The following MAPT variants were observed in gnomAD, a reference collection of about 807,000 sequenced individuals.
MAPT encodes microtubule associated protein tau.
In MAPT, 34 loss-of-function variants were observed where a neutral mutation model predicts 67.9. The observed-to-expected ratio is 0.50, with a 90% confidence interval of 0.38 to 0.67. The LOEUF (loss-of-function observed/expected upper bound fraction) is 0.67, where lower values mean the gene tolerates loss of function less well. Among genes scored for constraint, MAPT ranks in the 30% least tolerant of loss-of-function variants. The pLI is 0.00. For missense variants in MAPT, 881 were observed against 1,115.2 expected (o/e 0.79, Z 2.99); for synonymous variants, 456 against 464.5 (o/e 0.98, Z 0.23).
In MAPT at chr17:46,024,302, C is replaced by T; in HGVS notation, c.*131C>T. 1 of 818,886 alleles carries T rather than the reference C, an allele frequency of 1.2e-6. No individual in the cohort carries two copies. The highest frequency in any genetic ancestry group is 2.0e-6 in the Non-Finnish European group (1 of 494,964). The allele number at this position is 818,886 out of a possible 1,614,324, so 50.7% of individuals were successfully genotyped here. A position where few individuals can be genotyped will look rare whatever the true frequency, so the allele number is the denominator to read the frequency against. ...CGCAGTTCGGTTAATTGGTTAATCACTTAACCTGCTTTTGTCACTCGGCTT... is the reference window on the plus strand; with the variant it reads ...CGCAGTTCGGTTAATTGGTTAATCATTTAACCTGCTTTTGTCACTCGGCTT... On this transcript the variant is annotated 3_prime_UTR_variant, in exon 13 of 13. Transcript: ENST00000262410.
At chr17:45,982,648 G>A (rs989921821) in intron 4 of MAPT, among the ~76,000 whole-genome samples, 2 of 152,038 alleles carry the variant, frequency 1.3e-5, no homozygotes, top group African/African-American at 2.4e-5. Flanking sequence ...GGCCCAGAGA[G>A]GGGAGAGCCA....
chr17:45,971,444 A>G lies in MAPT; in HGVS notation c.134-415A>G, dbSNP rs767332924. Among the ~76,000 whole-genome samples, 4 of 152,180 alleles carry G rather than the reference A, an allele frequency of 2.6e-5. No homozygotes were observed. Among genetic ancestry groups the G allele is most frequent in the Admixed American group, 2.6e-4 (4 of 15,272 alleles). The stretch of plus-strand genomic sequence containing the variant: ...ACTCCTTTTCCAAGGAAGGGGTTGG[A>G]TCGCTGAGTGTTTTTCCAGGTGTCT... On this transcript the variant is annotated intron_variant, in intron 2 of 12. Transcript: ENST00000262410. The surrounding 1 kb of genome is among the most constrained non-coding windows in gnomAD (Gnocchi z 4.3).
intron 1 of MAPT, among the ~76,000 whole-genome samples, chr17:45,926,973 A>G: frequency 6.6e-6 from 1 of 151,118 alleles, no homozygotes; most frequent in Admixed American, 6.6e-5. Context: ...ATATACATAT[A>G]TGTGTATATA....
At chr17:45,988,510 C>A (rs2073791005) in intron 6 of MAPT, among the ~76,000 whole-genome samples, 1 of 152,254 alleles carries the variant, frequency 6.6e-6, no homozygotes, top group Non-Finnish European at 1.5e-5. Context: ...AGGGCCCCCC[C>A]CAGCCCCGCC....
chr17:45,982,018 C>CAAAAAAAAAAA (rs1264327504), intron 4 of MAPT, among the ~76,000 whole-genome samples: 1 of 84,702 alleles, frequency 1.2e-5, no homozygotes, highest in Non-Finnish European at 2.4e-5. Flanking sequence ...GACCCTGTCT[C>CAAAAAAAAAAA]AAAAAAAAAA....
At chr17:46,013,602 AG>A (rs1225251131) in intron 10 of MAPT, among the ~76,000 whole-genome samples, 1 of 152,156 alleles carries the variant, frequency 6.6e-6, no homozygotes, top group Non-Finnish European at 1.5e-5. Flanking sequence ...CAGGACACTG[AG>A]TGTGCAGGTG....
At chr17:46,011,560 C>T (rs62064675) in intron 10 of MAPT, among the ~76,000 whole-genome samples, 21,883 of 152,184 alleles carry the variant, frequency 0.14, 2,136 homozygotes, top group Non-Finnish European at 0.22. Context: ...ATCCCCTGGC[C>T]GGTCTATGTC....
chr17:45,904,451 A>G (rs1252037730), intron 1 of MAPT, among the ~76,000 whole-genome samples: 1 of 136,438 alleles, frequency 7.3e-6, no homozygotes, highest in African/African-American at 2.8e-5. Flanking sequence ...TTGTAATCCC[A>G]GCACTGTGGG....
rs1598429583 is a variant in MAPT, at chr17:46,026,082, T to C, written c.*1911T>C. On this transcript the variant is annotated 3_prime_UTR_variant, in exon 13 of 13. Transcript: ENST00000262410. Reference sequence around the variant, plus strand: ...GGATTCACCAGAGTGACTATGATAGTGAAAAGAAAAAAAAAAAAAAAAAAG... The same window carrying C: ...GGATTCACCAGAGTGACTATGATAGCGAAAAGAAAAAAAAAAAAAAAAAAG... 1 of 90,680 alleles carries C rather than the reference T, an allele frequency of 1.1e-5. No homozygotes were observed. The highest frequency in any genetic ancestry group is 3.5e-4 in the South Asian group (1 of 2,834). 5.6% of individuals were successfully genotyped at this position (90,680 alleles called of 1,614,324 possible).
chr17:45,994,088 CAG>C (rs1174298006), intron 8 of MAPT: 35 of 1,015,598 alleles, frequency 3.4e-5, no homozygotes, highest in Non-Finnish European at 4.7e-5. Context: ...AGGGTTCACA[CAG>C]GGTTCGCAGC....
chr17:46,017,861 A>C (rs1312215760), intron 11 of MAPT, among the ~76,000 whole-genome samples: 1 of 150,130 alleles, frequency 6.7e-6, no homozygotes, highest in Admixed American at 6.6e-5. Context: ...ACTTCACTTA[A>C]TGGGCCGGGC....
chr17:45,912,084 A>G (rs183221229), intron 1 of MAPT, among the ~76,000 whole-genome samples: 55 of 152,350 alleles, frequency 3.6e-4, no homozygotes, highest in African/African-American at 1.3e-3. Context: ...TCTCCCCACC[A>G]CACAAGGAAG....
At chr17:45,938,399 C>T (rs1323360995) in intron 1 of MAPT, among the ~76,000 whole-genome samples, 2 of 152,250 alleles carry the variant, frequency 1.3e-5, no homozygotes, top group Non-Finnish European at 2.9e-5. Context: ...CTCACATCAC[C>T]TTGCTCTGAC....
At chr17:46,012,993 G>C (rs2075925622) in intron 10 of MAPT, among the ~76,000 whole-genome samples, 1 of 152,138 alleles carries the variant, frequency 6.6e-6, no homozygotes, top group Admixed American at 6.5e-5. Flanking sequence ...CTCTGCCCCA[G>C]TTAACTCCCC....
Position 45,996,499 on chromosome 17 carries a change from C to G in MAPT, c.1833C>G (p.Pro611=). 1 of 1,613,568 alleles carries G rather than the reference C, an allele frequency of 6.2e-7. No individual in the cohort carries two copies. The highest frequency in any genetic ancestry group is 8.5e-7 in the Non-Finnish European group (1 of 1,179,914). The part of the protein sequence containing the change: ...RSRTPSLPTP[P]TREPKKVAVV... ...GCACCCCGTCCCTTCCAACCCCACCCACCCGGGAGCCCAAGAAGGTGGCAG... is the reference window on the plus strand; with the variant it reads ...GCACCCCGTCCCTTCCAACCCCACCGACCCGGGAGCCCAAGAAGGTGGCAG... Residue 611 remains proline (P), a synonymous_variant, in exon 9 of 13, where the codon CCC becomes CCG. Transcript: ENST00000262410. The surrounding 1 kb of genome is among the most constrained non-coding windows in gnomAD (Gnocchi z 4.5).
chr17:45,941,717 T>TCCTTCCTTCCTTCCTTCCTTCCTTCCTG (rs2067994312), intron 1 of MAPT, among the ~76,000 whole-genome samples: 1 of 88,380 alleles, frequency 1.1e-5, no homozygotes, highest in Admixed American at 1.3e-4. Flanking sequence ...CTTCCTTCCT[T>TCCTTCCTTCCTTCCTTCCTTCCTTCCTG]CCTTCCTTCC....
intron 1 of MAPT, among the ~76,000 whole-genome samples, chr17:45,932,649 C>T (rs1377768408): frequency 4.0e-5 from 6 of 149,594 alleles, no homozygotes; most frequent in Non-Finnish European, 5.9e-5. Context: ...GTGTGGCTGA[C>T]TCCACATATG....
At position 46,025,497 on chromosome 17, in the gene MAPT, A is replaced by C. The variant is rs1203479197; in HGVS notation, c.*1326A>C. 1 of 152,772 alleles carries C rather than the reference A, an allele frequency of 6.5e-6. No individual in the cohort carries two copies. Among genetic ancestry groups the C allele is most frequent in the Non-Finnish European group, 1.5e-5 (1 of 68,130 alleles). The allele number at this position is 152,772 out of a possible 1,614,324, so 9.5% of individuals were successfully genotyped here. A position where few individuals can be genotyped will look rare whatever the true frequency, so the allele number is the denominator to read the frequency against. ...AATTAAGGGAAGGCAAAGTCCAGGC[A>C]CAAGAGTGGGACCCCAGCCTCTCAC... On this transcript the variant is annotated 3_prime_UTR_variant, in exon 13 of 13. Coordinates refer to ENST00000262410, the MANE Select transcript of MAPT (RefSeq NM_001377265.1).
rs138323930 is a variant in MAPT, at chr17:45,968,124, C to G, written c.134-3735C>G. 1.3e-5 allele frequency among the ~76,000 whole-genome samples: 2 copies of G among 152,294 alleles called. 1 individual carries two copies. Among genetic ancestry groups the G allele is most frequent in the East Asian group, 3.9e-4 (2 of 5,186 alleles). On this transcript the variant is annotated intron_variant, in intron 2 of 12. Transcript: ENST00000262410. ...ACAAACTATAACCCACAAGCCAATT[C>G]TGGTACCCAGCCTGTTTTGCACAGC... is the stretch of plus-strand genomic sequence containing the variant.
Sources: allele counts gnomAD v4.1 joint callset (sites outside exome capture counted in the v4.1 genomes callset), GRCh38; gene constraint gnomAD v4.1.1; non-coding constraint Gnocchi (gnomAD v3.1); transcripts MANE v1.5; gene names NCBI Gene and HGNC (gene_info 2026-07-23, HGNC 2026-07-21).